CPA6: variants seen among roughly 807,000 people sequenced by gnomAD.
CPA6 encodes the protein carboxypeptidase B.
Under a neutral mutation model 63.3 loss-of-function variants are expected in CPA6, and 58 were observed. That is an observed-to-expected ratio of 0.92 (90% CI 0.74 to 1.14). The LOEUF (loss-of-function observed/expected upper bound fraction) is 1.14, where lower values mean the gene tolerates loss of function less well. Among genes scored for constraint, CPA6 ranks in the 50% most tolerant of loss-of-function variants. The pLI is 0.00. For missense variants in CPA6, 565 were observed against 526.6 expected (o/e 1.07, Z -0.71); for synonymous variants, 185 against 179.0 (o/e 1.03, Z -0.27).
At chr8:67,657,652 T>C (rs556658107) in intron 1 of CPA6, among the ~76,000 whole-genome samples, 21 of 152,232 alleles carry the variant, frequency 1.4e-4, no homozygotes, top group Non-Finnish European at 2.2e-4. Flanking sequence ...TCAAAGTTTC[T>C]TTAAACCTAG....
chr8:67,592,437 G>C (rs1302417717), intron 2 of CPA6, among the ~76,000 whole-genome samples: 1 of 151,878 alleles, frequency 6.6e-6, no homozygotes, highest in Non-Finnish European at 1.5e-5. Context: ...TTTTTCTATT[G>C]ATTGGAATAG....
At chr8:67,456,799 G>T (rs773031684) in intron 8 of CPA6, among the ~76,000 whole-genome samples, 1 of 152,176 alleles carries the variant, frequency 6.6e-6, no homozygotes, top group African/African-American at 2.4e-5. Context: ...ATCTGAATAG[G>T]TCCTATATGT....
chr8:67,653,216 C>A (rs942848905), intron 1 of CPA6, among the ~76,000 whole-genome samples: 2 of 151,498 alleles, frequency 1.3e-5, no homozygotes, highest in Non-Finnish European at 2.9e-5. Context: ...ATTGACTTGG[C>A]GATGTGGGCT....
chr8:67,616,287 G>A (rs1814945739), intron 2 of CPA6, among the ~76,000 whole-genome samples: 1 of 152,154 alleles, frequency 6.6e-6, no homozygotes, highest in Admixed American at 6.5e-5. Flanking sequence ...GTAGAGATGT[G>A]ACTTGGTTAG....
At chr8:67,644,067 G>A (rs1313158460) in intron 1 of CPA6, among the ~76,000 whole-genome samples, 1 of 151,942 alleles carries the variant, frequency 6.6e-6, no homozygotes, top group Non-Finnish European at 1.5e-5. Context: ...GGGGTTGGCA[G>A]TACCTTAAAG....
chr8:67,718,793 C>T lies in CPA6; in HGVS notation c.116+27221G>A, dbSNP rs561732816. ...TCCTGAGTAGCTGGGATTACAGGTACGTGTCACCACACCCAGCTAATTTTT... is the reference window on the plus strand; with the variant it reads ...TCCTGAGTAGCTGGGATTACAGGTATGTGTCACCACACCCAGCTAATTTTT... On this transcript the variant is annotated intron_variant, in intron 1 of 10. Coordinates refer to ENST00000297770, the MANE Select transcript of CPA6 (RefSeq NM_020361.5). Among the ~76,000 whole-genome samples the T allele has an allele frequency of 8.6e-5, 13 of 152,030 alleles. 1 individual carries two copies. In the South Asian group the frequency reaches 2.7e-3, roughly 32 times the overall value.
intron 2 of CPA6, among the ~76,000 whole-genome samples, chr8:67,614,595 C>G (rs1056419727): frequency 1.3e-5 from 2 of 152,190 alleles, no homozygotes; most frequent in Non-Finnish European, 2.9e-5. Context: ...AAGTCATTAA[C>G]GTATCATTAT....
chr8:67,728,133 CAAACA>C (rs71253025), intron 1 of CPA6, among the ~76,000 whole-genome samples: 101,067 of 147,492 alleles, frequency 0.69, 34,824 homozygotes, highest in Admixed American at 0.74. Flanking sequence ...CAACAAAAAA[CAAACA>C]AAACAAAACA....
intron 9 of CPA6, among the ~76,000 whole-genome samples, chr8:67,433,283 C>G (rs1343151780): frequency 1.3e-5 from 2 of 152,198 alleles, no homozygotes; most frequent in Non-Finnish European, 2.9e-5. Context: ...TACCACCTGA[C>G]TTCTAGCACT....
chr8:67,571,366 T>C (rs1253503799), intron 2 of CPA6, among the ~76,000 whole-genome samples: 1 of 152,204 alleles, frequency 6.6e-6, no homozygotes, highest in East Asian at 1.9e-4. Context: ...AACAGACATA[T>C]GCAGAACATT....
intron 1 of CPA6, among the ~76,000 whole-genome samples, chr8:67,667,210 G>A (rs1816250130): frequency 6.6e-6 from 1 of 152,140 alleles, no homozygotes; most frequent in African/African-American, 2.4e-5. Flanking sequence ...AGCATGTCAA[G>A]AAAAGGTTGA....
intron 8 of CPA6, among the ~76,000 whole-genome samples, chr8:67,469,501 G>A (rs1811007754): frequency 6.6e-6 from 1 of 152,158 alleles, no homozygotes. Context: ...AGCTACTTGG[G>A]ATGCTGAGGC....
chr8:67,603,197 T>C (rs1181599662), intron 2 of CPA6, among the ~76,000 whole-genome samples: 2 of 152,198 alleles, frequency 1.3e-5, no homozygotes, highest in Non-Finnish European at 2.9e-5. Context: ...AGAATTATAT[T>C]CTTGAAATGT....
At chr8:67,567,079 G>A (rs999703221) in intron 2 of CPA6, among the ~76,000 whole-genome samples, 2 of 152,168 alleles carry the variant, frequency 1.3e-5, no homozygotes, top group Admixed American at 1.3e-4. Context: ...AGAGGAGCAG[G>A]CATGTAGAGA....
intron 8 of CPA6, among the ~76,000 whole-genome samples, chr8:67,459,452 C>T (rs1414013187): frequency 1.3e-5 from 2 of 152,094 alleles, no homozygotes; most frequent in African/African-American, 2.4e-5. Flanking sequence ...AATGAGCTAT[C>T]GAGCAATAAA....
chr8:67,439,552 G>A (rs151198427), intron 8 of CPA6, among the ~76,000 whole-genome samples: 5,476 of 150,376 alleles, frequency 0.036, 330 homozygotes, highest in African/African-American at 0.13. Context: ...TCACGCCATT[G>A]CACTCCAGCC....
chr8:67,605,268 G>C (rs1435651928), intron 2 of CPA6, among the ~76,000 whole-genome samples: 3 of 151,972 alleles, frequency 2.0e-5, no homozygotes, highest in Non-Finnish European at 4.4e-5. Flanking sequence ...TAAGTTCTCA[G>C]TCTGTGTTAG....
At chr8:67,665,168 G>A (rs1181443182) in intron 1 of CPA6, among the ~76,000 whole-genome samples, 11 of 152,024 alleles carry the variant, frequency 7.2e-5, no homozygotes. Flanking sequence ...ATTTCTTCAC[G>A]GGAAAAACAA....
At chr8:67,564,593 G>A (rs1359848687) in intron 2 of CPA6, among the ~76,000 whole-genome samples, 1 of 152,060 alleles carries the variant, frequency 6.6e-6, no homozygotes, top group Admixed American at 6.5e-5. Context: ...GGCACAGAAT[G>A]TTCTTGTAGC....
Sources: allele counts gnomAD v4.1 joint callset (sites outside exome capture counted in the v4.1 genomes callset), GRCh38; gene constraint gnomAD v4.1.1; transcripts MANE v1.5; gene names NCBI Gene and HGNC (gene_info 2026-07-23, HGNC 2026-07-21).